SV2C: variants seen among roughly 807,000 people sequenced by gnomAD.
The protein encoded by SV2C is solute carrier family 22 member B3.
In SV2C, 49 loss-of-function variants were observed where a neutral mutation model predicts 79.7. The observed-to-expected ratio is 0.61, with a 90% CI of 0.49 to 0.78. The LOEUF (loss-of-function observed/expected upper bound fraction) is 0.78, where lower values mean the gene tolerates loss of function less well. Ranked by LOEUF, SV2C falls within the 30% of genes least tolerant of loss-of-function variation. The pLI, the probability that SV2C is intolerant of heterozygous loss-of-function variation, is 0.00. For synonymous variants in SV2C, 334 were observed against 333.2 expected (o/e 1.00, Z -0.03); for missense variants, 833 against 912.9 (o/e 0.91, Z 1.13).
the SV2C span, among the ~76,000 whole-genome samples, chr5:75,941,728 A>G: frequency 6.6e-6 from 1 of 152,222 alleles, no homozygotes; most frequent in African/African-American, 2.4e-5. Context: ...CTCAGGAAGC[A>G]GAATCTCTCT....
chr5:75,955,537 T>A, the SV2C span, among the ~76,000 whole-genome samples: 146 of 146,474 alleles, frequency 1.0e-3, no homozygotes, highest in African/African-American at 3.6e-3. Flanking sequence ...AAGCCAAAAT[T>A]GACAAATGGG....
chr5:76,341,191 A>T (rs1284565094), intron 12 of SV2C, among the ~76,000 whole-genome samples: 2 of 152,124 alleles, frequency 1.3e-5, no homozygotes, highest in Admixed American at 1.3e-4. Flanking sequence ...TCGGCCTCCC[A>T]AAGTGCTGGG....
chr5:76,158,277 G>A (rs1269761362), intron 2 of SV2C, among the ~76,000 whole-genome samples: 1 of 151,622 alleles, frequency 6.6e-6, no homozygotes, highest in Non-Finnish European at 1.5e-5. Flanking sequence ...CAAAAAGCAA[G>A]ATTGAACTAT....
intron 2 of SV2C, among the ~76,000 whole-genome samples, chr5:76,153,809 G>C (rs1166885571): frequency 6.6e-6 from 1 of 152,218 alleles, no homozygotes; most frequent in African/African-American, 2.4e-5. Context: ...AGAATGGACA[G>C]AGGCTTGGAG....
chr5:76,112,820 T>C (rs1288483936), intron 1 of SV2C, among the ~76,000 whole-genome samples: 1 of 152,240 alleles, frequency 6.6e-6, no homozygotes, highest in East Asian at 1.9e-4. Context: ...ATGTCAATCA[T>C]GTATTTCTGT....
rs547628294 is a variant in SV2C at position 76,265,287 on chromosome 5, C to T, written c.914-19875C>T. 3.9e-5 allele frequency among the ~76,000 whole-genome samples: 6 copies of T among 152,290 alleles called. No homozygotes were observed. In the East Asian group the frequency reaches 5.8e-4, roughly 15 times the overall value. ...CCGCCTACTCAAGCCTTAGTAATGGCGGACGCCCCTGCCCCCCACCAAGCT... is the reference window on the plus strand; with the variant it reads ...CCGCCTACTCAAGCCTTAGTAATGGTGGACGCCCCTGCCCCCCACCAAGCT... On this transcript the variant is annotated intron_variant, in intron 4 of 12. Coordinates refer to ENST00000502798, the MANE Select transcript of SV2C (RefSeq NM_014979.4).
chr5:75,930,016 A>T, the SV2C span, among the ~76,000 whole-genome samples: 1 of 152,240 alleles, frequency 6.6e-6, no homozygotes, highest in Non-Finnish European at 1.5e-5. Flanking sequence ...AGCTACCAGG[A>T]GAAAAGAATG....
At chr5:76,028,586 T>C in the SV2C span, among the ~76,000 whole-genome samples, 9 of 152,342 alleles carry the variant, frequency 5.9e-5, no homozygotes, top group African/African-American at 2.2e-4. Flanking sequence ...GCCCCGCTTT[T>C]GAACTTAGAT....
intron 12 of SV2C, among the ~76,000 whole-genome samples, chr5:76,349,889 T>C (rs1275324254): frequency 6.6e-6 from 1 of 152,122 alleles, no homozygotes; most frequent in East Asian, 1.9e-4. Context: ...TATCAGACAT[T>C]CCAGAGTAAT....
intron 2 of SV2C, among the ~76,000 whole-genome samples, chr5:76,186,946 T>C (rs978493791): frequency 6.6e-6 from 1 of 152,152 alleles, no homozygotes; most frequent in Non-Finnish European, 1.5e-5. Flanking sequence ...TGGGGATTAT[T>C]ACAATTCGAG....
chr5:76,134,597 A>G (rs142156630), intron 2 of SV2C, among the ~76,000 whole-genome samples: 36 of 152,308 alleles, frequency 2.4e-4, no homozygotes, highest in Middle Eastern at 6.8e-3. Flanking sequence ...GAACAAAAAT[A>G]TGGCCCAATT....
chr5:76,239,480 T>C (rs1365294841), intron 4 of SV2C, among the ~76,000 whole-genome samples: 2 of 152,214 alleles, frequency 1.3e-5, no homozygotes, highest in Admixed American at 1.3e-4. Context: ...GCAGAGGAGA[T>C]GGCTTGTCTC....
At chr5:75,932,636 G>A in the SV2C span, among the ~76,000 whole-genome samples, 1 of 152,238 alleles carries the variant, frequency 6.6e-6, no homozygotes, top group African/African-American at 2.4e-5. Flanking sequence ...ATTATCTGCA[G>A]CAAAAGCATG....
chr5:76,309,599 C>CAAA lies in SV2C; in HGVS notation c.2000+8078_2000+8080dup, dbSNP rs769865757. ...TGGGCGACAGAGCGAAACTCCATCT[C>CAAA]AAAAAAAAAAAAAAAAAAAAAAAAA... On this transcript the variant is annotated intron_variant, in intron 12 of 12. Coordinates refer to ENST00000502798, the MANE Select transcript of SV2C (RefSeq NM_014979.4). Among the ~76,000 whole-genome samples the CAAA allele has an allele frequency of 2.6e-3, 47 of 18,294 alleles. 2 individuals carry two copies. Among genetic ancestry groups the CAAA allele is most frequent in the East Asian group, 3.7e-3 (2 of 542 alleles). 12.0% of individuals were successfully genotyped at this position (18,294 alleles called of 152,430 possible). A position where few individuals can be genotyped will look rare whatever the true frequency, so the allele number is the denominator to read the frequency against.
At chr5:75,930,405 C>T in the SV2C span, among the ~76,000 whole-genome samples, 4 of 152,160 alleles carry the variant, frequency 2.6e-5, no homozygotes, top group Non-Finnish European at 4.4e-5. Flanking sequence ...AGCAGTGGTG[C>T]TCTGGAAATT....
chr5:76,315,613 T>G (rs530970843), intron 12 of SV2C, among the ~76,000 whole-genome samples: 1 of 152,206 alleles, frequency 6.6e-6, no homozygotes, highest in East Asian at 1.9e-4. Flanking sequence ...AAACCAGCCC[T>G]TGGAGGGGAG....
intron 4 of SV2C, among the ~76,000 whole-genome samples, chr5:76,240,175 A>G (rs574207212): frequency 6.6e-6 from 1 of 152,336 alleles, no homozygotes; most frequent in African/African-American, 2.4e-5. Context: ...AAATTGTGGC[A>G]CGTGTGAGGG....
Position 76,300,774 on chromosome 5 carries a change from C to T in SV2C, c.1682C>T (p.Ser561Leu), listed in dbSNP as rs766489181. 12 of 1,614,062 alleles carry T rather than the reference C, an allele frequency of 7.4e-6. No individual in the cohort carries two copies. Among genetic ancestry groups the T allele is most frequent in the East Asian group, 4.5e-5 (2 of 44,882 alleles). The change falls in exon 11 of 13, where the codon TCG becomes TTG. Residue 561 changes from serine to leucine, a missense_variant. Ser to Leu is a moderately radical substitution (Grantham distance 145, BLOSUM62 -2). Transcript: ENST00000502798. ...ATTGACAGTGAATTTAAAAACTGCT[C>T]GTTTTTTCACAACAAGACGGGATGT... is the stretch of plus-strand genomic sequence containing the variant. ...KFIDSEFKNCSFFHNKTGCQI... is the reference protein window; with the variant it reads ...KFIDSEFKNCLFFHNKTGCQI...
chr5:76,074,179 A>T, the SV2C span, among the ~76,000 whole-genome samples: 2 of 152,200 alleles, frequency 1.3e-5, no homozygotes, highest in Non-Finnish European at 1.5e-5. Context: ...ATCACTGTGT[A>T]ATCATGGAGT....
Sources: allele counts gnomAD v4.1 joint callset (sites outside exome capture counted in the v4.1 genomes callset), GRCh38; gene constraint gnomAD v4.1.1; transcripts MANE v1.5; gene names NCBI Gene and HGNC (gene_info 2026-07-23, HGNC 2026-07-21).